The following DPP4 variants were observed in gnomAD, a reference collection of about 807,000 sequenced individuals.
The protein encoded by DPP4 is dipeptidyl peptidase 4, also known as ADCP-2.
In DPP4, 93 loss-of-function variants were observed where a neutral mutation model predicts 122.4. The ratio of observed to expected loss-of-function variants is 0.76; its 90% CI spans 0.64 to 0.90. DPP4 has a LOEUF of 0.90. DPP4 is among the 40% of genes least tolerant of loss of function. DPP4 has a pLI of 0.00. For synonymous variants in DPP4, 321 were observed against 302.9 expected (o/e 1.06, Z -0.62); for missense variants, 914 against 907.3 (o/e 1.01, Z -0.09).
intron 10 of DPP4, among the ~76,000 whole-genome samples, chr2:162,031,229 G>A (rs1683539680): frequency 1.3e-5 from 2 of 152,286 alleles, no homozygotes; most frequent in South Asian, 2.1e-4. Flanking sequence ...TCTCTCACCT[G>A]TACCTCACAG....
intron 2 of DPP4, among the ~76,000 whole-genome samples, chr2:162,066,947 C>A (rs1354137124): frequency 1.6e-5 from 1 of 61,084 alleles, no homozygotes; most frequent in East Asian, 3.2e-4. Flanking sequence ...TTAGGCCTCA[C>A]CTCCAACACT....
Position 162,005,501 on chromosome 2 carries a change from G to C in DPP4, c.2052+244C>G, listed in dbSNP as rs539381951. The C allele has an allele frequency of 2.8e-5, 10 of 363,450 alleles. No homozygotes were observed. In the South Asian group the frequency reaches 8.1e-4, roughly 29 times the overall value. The allele number at this position is 363,450 out of a possible 1,614,324, so 22.5% of individuals were successfully genotyped here. Reference sequence around the variant, plus strand: ...AATTTTATAATTAAAGTAATTATCTGATGTTGCTTTGTATTTCTAAATGAA... The same window carrying C: ...AATTTTATAATTAAAGTAATTATCTCATGTTGCTTTGTATTTCTAAATGAA... On this transcript the variant is annotated intron_variant, in intron 23 of 25. Transcript: ENST00000360534.
intron 18 of DPP4, 23 bp from the exon 19 acceptor site, chr2:162,014,488 T>C (rs200359335): frequency 1.7e-5 from 26 of 1,564,436 alleles, no homozygotes; most frequent in Non-Finnish European, 2.1e-5. Context: ...AAAGATTAAT[T>C]AGTGAGGTAA....
At chr2:162,015,615 C>T (rs542625781) in intron 18 of DPP4, among the ~76,000 whole-genome samples, 17 of 152,148 alleles carry the variant, frequency 1.1e-4, no homozygotes, top group African/African-American at 3.9e-4. Context: ...CCCACCTTCC[C>T]GGCTCCCTCC....
chr2:161,994,968 T>G lies in DPP4; in HGVS notation c.2192A>C (p.Gln731Pro). 6.2e-7 allele frequency: 1 copy of G among 1,614,024 alleles called. No homozygotes were observed. Among genetic ancestry groups the G allele is most frequent in the Non-Finnish European group, 8.5e-7 (1 of 1,179,936 alleles). ...CACAAAGTTTTTCTATACCATTGCC[T>G]GGAAATCCACTCCAACATCGACCAG... ...KALVDVGVDF[Q>P]AMWYTDEDHG... Residue 731 changes from glutamine to proline, a missense_variant, in exon 25 of 26, where the codon CAG becomes CCG. Coordinates refer to ENST00000360534, the MANE Select transcript of DPP4 (RefSeq NM_001935.4).
At chr2:162,057,981 C>T (rs1239467802) in intron 2 of DPP4, among the ~76,000 whole-genome samples, 2 of 152,118 alleles carry the variant, frequency 1.3e-5, no homozygotes, top group African/African-American at 4.8e-5. Context: ...CCATGTTGGC[C>T]AGGCTGGTCT....
At chr2:162,016,168 C>T (rs894134966) in intron 18 of DPP4, among the ~76,000 whole-genome samples, 1 of 152,066 alleles carries the variant, frequency 6.6e-6, no homozygotes, top group African/African-American at 2.4e-5. Context: ...TTCCTCCCTC[C>T]CCTATAAGCT....
rs201433499 is a variant in DPP4 at position 161,994,992 on chromosome 2, A to G, written c.2168T>C (p.Leu723Pro). 4 of 1,614,112 alleles carry G rather than the reference A, an allele frequency of 2.5e-6. No individual in the cohort carries two copies. The South Asian group carries it at 4.4e-5, about 18-fold the overall frequency. Residue 723 changes from leucine to proline, a missense_variant, in exon 25 of 26, where the codon CTG becomes CCG. Leu to Pro is a moderately conservative substitution (Grantham distance 98, BLOSUM62 -3). Transcript: ENST00000360534. The part of the protein sequence containing the change: ...FQQSAQISKA[L>P]VDVGVDFQAM... ...CTGGAAATCCACTCCAACATCGACC[A>G]GGGCTTTGGAGATCTGAGCTGACTG... is the stretch of plus-strand genomic sequence containing the variant.
chr2:162,019,104 A>G, intron 15 of DPP4, 119 bp downstream of exon 15: 1 of 973,244 alleles, frequency 1.0e-6, no homozygotes. Context: ...AGGAATAAAA[A>G]GTGCTCAATA....
At chr2:162,017,428 C>G (rs1682965458) in intron 16 of DPP4, 1 of 425,370 alleles carries the variant, frequency 2.4e-6, no homozygotes, top group African/African-American at 2.0e-5. Flanking sequence ...GCACCTTGGG[C>G]ACATTATCAT....
At position 162,020,284 on chromosome 2, in the gene DPP4, T is replaced by C. The variant is rs757121989; in HGVS notation, c.1189A>G (p.Ile397Val). ...FQIDKKDCTF[I>V]TKGTWEVIGI... ...ATGACTTCCCAGGTGCCTTTTGTAA[T>C]AAATGTGCAGTCCTGATGGTTTTTT... Residue 397 changes from isoleucine (I) to valine (V), a missense_variant, in exon 14 of 26, where the codon ATT (isoleucine) becomes GTT (valine). Ile to Val is a conservative substitution (Grantham distance 29). Coordinates refer to ENST00000360534, the MANE Select transcript of DPP4 (RefSeq NM_001935.4). 9.7e-6 allele frequency: 15 copies of C among 1,543,870 alleles called. No individual in the cohort carries two copies. The highest frequency in any genetic ancestry group is 5.4e-5 in the Admixed American group (3 of 55,966).
intron 23 of DPP4, among the ~76,000 whole-genome samples, chr2:161,997,424 A>G (rs1359781822): frequency 6.6e-6 from 1 of 152,200 alleles, no homozygotes; most frequent in Non-Finnish European, 1.5e-5. Flanking sequence ...ATAAGAAAAA[A>G]GATTTGTCTA....
rs950985963 is a variant in DPP4 at position 162,060,864 on chromosome 2, T to G, written c.94+12535A>C. On this transcript the variant is annotated intron_variant, in intron 2 of 25. Transcript: ENST00000360534. Reference sequence around the variant, plus strand: ...TTTCCCTCTAAAACACAAAGCTCCTTCCTTCCTTCCTTCCCTCTTTCTTTC... The same window carrying G: ...TTTCCCTCTAAAACACAAAGCTCCTGCCTTCCTTCCTTCCCTCTTTCTTTC... 2.0e-5 allele frequency among the ~76,000 whole-genome samples: 3 copies of G among 151,786 alleles called. No homozygotes were observed. The East Asian group carries it at 5.8e-4, about 30-fold the overall frequency.
At position 162,035,323 on chromosome 2, in the gene DPP4, C is replaced by T. The variant is rs1240881634; in HGVS notation, c.615G>A (p.Glu205=). Residue 205 remains glutamate (E), a splice_region_variant and synonymous_variant, in exon 9 of 26, where the codon GAG becomes GAA. Transcript: ENST00000360534. ...GAGCAGAGTAGGCACTGAAGACTTC[C>T]TCTGAAAAAAGACACAAATTGTTCT... The part of the protein sequence containing the change: ...YNGITDWVYE[E]EVFSAYSALW... The T allele has an allele frequency of 6.2e-7, 1 of 1,606,434 alleles. No individual in the cohort carries two copies. Among genetic ancestry groups the T allele is most frequent in the East Asian group, 2.2e-5 (1 of 44,800 alleles).
chr2:162,015,529 A>G (rs1216977099), intron 18 of DPP4, among the ~76,000 whole-genome samples: 1 of 152,162 alleles, frequency 6.6e-6, no homozygotes, highest in Non-Finnish European at 1.5e-5. Context: ...GCATTAGTTG[A>G]TGGGAAGGTG....
chr2:162,006,038 C>T (rs1401688541), intron 22 of DPP4, among the ~76,000 whole-genome samples: 1 of 152,064 alleles, frequency 6.6e-6, no homozygotes, highest in African/African-American at 2.4e-5. Flanking sequence ...ATGCTAATTC[C>T]CAGATCCCTG....
chr2:162,043,255 A>C (rs2106129535), intron 5 of DPP4, among the ~76,000 whole-genome samples: 1 of 152,170 alleles, frequency 6.6e-6, no homozygotes, highest in East Asian at 1.9e-4. Flanking sequence ...AGTGCAGGAG[A>C]AGCGGGTAGG....
At chr2:162,044,665 G>A (rs1684111445) in intron 5 of DPP4, among the ~76,000 whole-genome samples, 1 of 152,114 alleles carries the variant, frequency 6.6e-6, no homozygotes, top group South Asian at 2.1e-4. Flanking sequence ...TCAAATCCAT[G>A]AGTAACCAAA....
intron 2 of DPP4, among the ~76,000 whole-genome samples, chr2:162,056,314 C>A (rs890592455): frequency 7.2e-5 from 11 of 152,188 alleles, no homozygotes; most frequent in African/African-American, 2.7e-4. Context: ...CAGCCTAGAA[C>A]AGTGCCTGGT....
Sources: gnomAD v4.1 joint callset for allele counts (sites outside exome capture counted in the v4.1 genomes callset) on GRCh38, gnomAD v4.1.1 for gene constraint, MANE v1.5 for transcripts, NCBI Gene and HGNC (gene_info 2026-07-23, HGNC 2026-07-21) for gene names.